The following TMEM217 variants were observed in gnomAD, a reference collection of about 807,000 sequenced individuals.
TMEM217 encodes the protein chromosome 6 open reading frame 128.
For missense variants in TMEM217, 204 were observed against 248.8 expected, an observed-to-expected ratio of 0.82 and a Z score of 1.21; for synonymous variants, 76 against 88.3, an observed-to-expected ratio of 0.86 and a Z score of 0.78.
At position 37,236,270 on chromosome 6, in the gene TMEM217, G is replaced by A. The variant is rs145905931; in HGVS notation, c.-11-17229C>T. Among the ~76,000 whole-genome samples the A allele has an allele frequency of 4.8e-3, 730 of 152,276 alleles. 7 individuals are homozygous for A. Among genetic ancestry groups the A allele is most frequent in the Non-Finnish European group, 8.1e-3 (552 of 68,018 alleles). ...CCACGAGTGCTAGGATTACAGGCAT[G>A]AGCCACTGTGCCTGGCCATTTATTT... On this transcript the variant is annotated intron_variant, in intron 1 of 1. Transcript: ENST00000357219.
chr6:37,253,703 C>T (rs1327738917), intron 1 of TMEM217, among the ~76,000 whole-genome samples: 1 of 152,194 alleles, frequency 6.6e-6, no homozygotes, highest in Non-Finnish European at 1.5e-5. Context: ...CACTCCTTCA[C>T]TAAGGTTAAA....
chr6:37,240,788 G>T (rs1218778241), intron 1 of TMEM217, among the ~76,000 whole-genome samples: 1 of 151,994 alleles, frequency 6.6e-6, no homozygotes, highest in Admixed American at 6.6e-5. Context: ...AACATCAAAT[G>T]GTTGTTACTA....
chr6:37,239,891 T>TAAAA (rs35304138), intron 1 of TMEM217, among the ~76,000 whole-genome samples: 1 of 133,728 alleles, frequency 7.5e-6, no homozygotes, highest in Non-Finnish European at 1.6e-5. Context: ...CCCAGCTCAT[T>TAAAA]AAAAAAAAAA....
At chr6:37,243,136 G>A (rs1248745649) in intron 1 of TMEM217, among the ~76,000 whole-genome samples, 1 of 152,100 alleles carries the variant, frequency 6.6e-6, no homozygotes, top group Non-Finnish European at 1.5e-5. Context: ...AAAAGAATAT[G>A]GAAGGAAATA....
At chr6:37,243,664 T>C (rs1264053302) in intron 1 of TMEM217, among the ~76,000 whole-genome samples, 2 of 152,190 alleles carry the variant, frequency 1.3e-5, no homozygotes, top group Non-Finnish European at 2.9e-5. Flanking sequence ...AATGGCATGA[T>C]CTCGGCTCAC....
chr6:37,218,114 T>C lies in TMEM217; in HGVS notation c.*308A>G, dbSNP rs141322395. The C allele has an allele frequency of 1.2e-3, 1,235 of 1,040,874 alleles. 8 individuals are homozygous for C. Among genetic ancestry groups the C allele is most frequent in the African/African-American group, 9.6e-3 (564 of 58,640 alleles). The allele number at this position is 1,040,874 out of a possible 1,614,324, so 64.5% of individuals were successfully genotyped here. ...CTGGGAATCTGAGAGACCTACCTCT[T>C]ATGGGAAAGAAAAGGGCCAACATGA... On this transcript the variant is annotated 3_prime_UTR_variant, in exon 2 of 2. Coordinates refer to ENST00000357219, the Ensembl canonical transcript of TMEM217.
chr6:37,212,608 A>G (rs540496527), exon 4 of TMEM217: 32 of 491,134 alleles, frequency 6.5e-5, no homozygotes, highest in African/African-American at 4.3e-4. Flanking sequence ...GATCCAGTGC[A>G]AATAACTCAG....
chr6:37,229,335 G>GTTTGT (rs1764039962), intron 1 of TMEM217, among the ~76,000 whole-genome samples: 1 of 74,368 alleles, frequency 1.3e-5, no homozygotes, highest in South Asian at 6.4e-4. Flanking sequence ...GCAACTTTCA[G>GTTTGT]TTTTTTTTTT....
chr6:37,219,039 C>T (rs1410135154), exon 2 of TMEM217: 2 of 1,608,856 alleles, frequency 1.2e-6, no homozygotes. Flanking sequence ...ATGCTGAGAC[C>T]TCCTGTGAAG....
downstream of TMEM217, among the ~76,000 whole-genome samples, chr6:37,217,123 G>A (rs1763245918): frequency 1.3e-5 from 2 of 152,202 alleles, no homozygotes; most frequent in Admixed American, 6.5e-5. Flanking sequence ...GGGAAACCCC[G>A]TCTCTACTAA....
At chr6:37,240,322 A>C (rs1026100100) in intron 1 of TMEM217, among the ~76,000 whole-genome samples, 5 of 152,182 alleles carry the variant, frequency 3.3e-5, no homozygotes, top group Non-Finnish European at 7.4e-5. Flanking sequence ...TAAAGGCTCT[A>C]CTTGTGGGAG....
chr6:37,228,896 C>CCGA (rs1415992182), intron 1 of TMEM217, among the ~76,000 whole-genome samples: 3 of 151,444 alleles, frequency 2.0e-5, no homozygotes. Context: ...ACTCAGGAGG[C>CCGA]CGAGGCAGGA....
At chr6:37,242,936 A>G (rs147063238) in intron 1 of TMEM217, among the ~76,000 whole-genome samples, 12 of 152,050 alleles carry the variant, frequency 7.9e-5, no homozygotes, top group Admixed American at 7.9e-4. Flanking sequence ...GAAAACCCCT[A>G]GCAGTCTTCT....
chr6:37,228,235 A>G (rs2113845331), intron 1 of TMEM217, among the ~76,000 whole-genome samples: 1 of 152,320 alleles, frequency 6.6e-6, no homozygotes. Flanking sequence ...ATTTCAAAAA[A>G]GAAAAAAAAG....
At chr6:37,249,897 A>C (rs960130216) in intron 1 of TMEM217, among the ~76,000 whole-genome samples, 8 of 152,216 alleles carry the variant, frequency 5.3e-5, no homozygotes, top group Non-Finnish European at 7.4e-5. Context: ...TTCCACTTCC[A>C]TGTCAACAAC....
downstream of TMEM217, chr6:37,212,883 C>T: frequency 6.6e-7 from 1 of 1,512,330 alleles, no homozygotes; most frequent in Non-Finnish European, 9.0e-7. Context: ...AAATGTGTGT[C>T]TTCTGGTTCA....
chr6:37,254,178 C>T (rs1213688365), intron 1 of TMEM217, among the ~76,000 whole-genome samples: 1 of 152,192 alleles, frequency 6.6e-6, no homozygotes, highest in Non-Finnish European at 1.5e-5. Flanking sequence ...TTGTAGGCTC[C>T]ACCTCAGACC....
intron 1 of TMEM217, among the ~76,000 whole-genome samples, chr6:37,220,322 G>T (rs139259817): frequency 6.6e-6 from 1 of 152,204 alleles, no homozygotes; most frequent in African/African-American, 2.4e-5. Flanking sequence ...TGACAGCAAT[G>T]CAGGGTAAAG....
At chr6:37,244,116 C>T (rs1313894916) in intron 1 of TMEM217, among the ~76,000 whole-genome samples, 1 of 152,226 alleles carries the variant, frequency 6.6e-6, no homozygotes, top group Admixed American at 6.5e-5. Context: ...TCTCATAATC[C>T]TAACCTTGTG....
Sources: allele counts gnomAD v4.1 joint callset (sites outside exome capture counted in the v4.1 genomes callset), GRCh38; gene constraint gnomAD v4.1.1; transcripts MANE v1.5; gene names NCBI Gene and HGNC (gene_info 2026-07-23, HGNC 2026-07-21).